The following PCP4 variants were observed in gnomAD, a reference collection of about 807,000 sequenced individuals.
PCP4 encodes the protein calmodulin regulator protein PCP4.
In PCP4, 8 loss-of-function variants were observed where a neutral mutation model predicts 10.0. That is an observed-to-expected ratio of 0.80 (90% CI 0.47 to 1.45). The LOEUF is 1.45. Among genes scored for constraint, PCP4 ranks in the 40% most tolerant of loss-of-function variants. PCP4 has a pLI of 0.00. For synonymous variants in PCP4, 21 were observed against 23.0 expected (o/e 0.91, Z 0.24); for missense variants, 54 against 74.4 (o/e 0.73, Z 1.01).
intron 1 of PCP4, among the ~76,000 whole-genome samples, chr21:39,872,874 G>A (rs1019851931): frequency 6.6e-6 from 1 of 152,142 alleles, no homozygotes; most frequent in African/African-American, 2.4e-5. Flanking sequence ...TTTGAAACCT[G>A]TGTTTGCCAT....
intron 2 of PCP4, among the ~76,000 whole-genome samples, chr21:39,927,246 A>G (rs186015661): frequency 1.1e-3 from 170 of 152,140 alleles, no homozygotes; most frequent in Admixed American, 2.7e-3. Context: ...GTATTTGTCT[A>G]TCATCTACTT....
intron 2 of PCP4, among the ~76,000 whole-genome samples, chr21:39,918,372 G>A (rs74854665): frequency 1.1e-4 from 17 of 152,170 alleles, no homozygotes; most frequent in Admixed American, 1.0e-3. Context: ...ATGGAAGCCC[G>A]AGAAACAGAA....
rs1568852657 is a variant in PCP4 at position 39,887,934 on chromosome 21, G to C, written c.10-10542G>C. Among the ~76,000 whole-genome samples, 3 of 152,174 alleles carry C rather than the reference G, an allele frequency of 2.0e-5. No individual in the cohort carries two copies. The South Asian group carries it at 6.2e-4, about 32-fold the overall frequency. ...CTGTGTGGGGTATTAATTGTGCGAG[G>C]AATATGCAATATCTGAAACTTCATG... On this transcript the variant is annotated intron_variant, in intron 1 of 2. Transcript: ENST00000328619.
chr21:39,897,244 C>T (rs1423561484), intron 1 of PCP4, among the ~76,000 whole-genome samples: 3 of 151,848 alleles, frequency 2.0e-5, no homozygotes, highest in African/African-American at 4.8e-5. Context: ...AAAAATTAGC[C>T]GGGGGTGGTG....
chr21:39,917,479 A>T (rs1212363159), intron 2 of PCP4, among the ~76,000 whole-genome samples: 2 of 152,120 alleles, frequency 1.3e-5, no homozygotes, highest in African/African-American at 4.8e-5. Context: ...GTAGAGGGAG[A>T]AGCTGGAAGG....
chr21:39,897,202 A>G (rs926546804), intron 1 of PCP4, among the ~76,000 whole-genome samples: 6 of 152,190 alleles, frequency 3.9e-5, no homozygotes, highest in African/African-American at 1.2e-4. Flanking sequence ...AGCCTGGCCA[A>G]CATGGTGAAA....
chr21:39,924,153 C>T (rs772858632), intron 2 of PCP4, among the ~76,000 whole-genome samples: 11 of 152,198 alleles, frequency 7.2e-5, no homozygotes, highest in Non-Finnish European at 1.3e-4. Flanking sequence ...CACAGACACC[C>T]TGAGGCTGGA....
At chr21:39,918,577 A>T (rs985940884) in intron 2 of PCP4, among the ~76,000 whole-genome samples, 4 of 152,250 alleles carry the variant, frequency 2.6e-5, no homozygotes, top group African/African-American at 9.6e-5. Context: ...CTAACTTGGT[A>T]AATGGAAAGC....
At chr21:39,898,454 T>C in intron 1 of PCP4, 22 bp from the exon 2 acceptor site, 9 of 1,607,144 alleles carry the variant, frequency 5.6e-6, no homozygotes, top group Non-Finnish European at 7.7e-6. Flanking sequence ...AATTGCTTTT[T>C]TCTTTTATTT....
intron 2 of PCP4, among the ~76,000 whole-genome samples, chr21:39,903,867 C>CAAAAAAAAAAAAAAAA (rs1210365373): frequency 1.1e-4 from 4 of 34,822 alleles, no homozygotes; most frequent in African/African-American, 2.9e-4. Flanking sequence ...GACTCCGTCT[C>CAAAAAAAAAAAAAAAA]AAAAAAAACA....
chr21:39,903,131 TG>T (rs2087488845), intron 2 of PCP4, among the ~76,000 whole-genome samples: 2 of 152,216 alleles, frequency 1.3e-5, no homozygotes, highest in Non-Finnish European at 2.9e-5. Flanking sequence ...AGAAAAATAC[TG>T]GAAGCAGAGT....
At chr21:39,900,298 G>C (rs902709295) in intron 2 of PCP4, among the ~76,000 whole-genome samples, 4 of 152,278 alleles carry the variant, frequency 2.6e-5, no homozygotes, top group South Asian at 2.1e-4. Flanking sequence ...GCCCCCCAAA[G>C]TGGTGGGATT....
chr21:39,914,851 GGC>G lies in PCP4; in HGVS notation c.62-14132_62-14131del, dbSNP rs1319935628. On this transcript the variant is annotated intron_variant, in intron 2 of 2. Coordinates refer to ENST00000328619, the MANE Select transcript of PCP4 (RefSeq NM_006198.3). The stretch of plus-strand genomic sequence containing the variant: ...TGGTATTTGAAATTTTAGAAGCTGG[GGC>G]ACATGTGAGTCCTAGAAGGTGGTGA... Among the ~76,000 whole-genome samples the G allele has an allele frequency of 5.3e-5, 8 of 152,260 alleles. No individual in the cohort carries two copies. In the East Asian group the frequency reaches 1.5e-3, roughly 29 times the overall value.
intron 1 of PCP4, among the ~76,000 whole-genome samples, chr21:39,895,141 T>TTCCA (rs559466500): frequency 0.015 from 2,198 of 150,954 alleles, 54 homozygotes; most frequent in African/African-American, 0.048. Context: ...CCATCCATTC[T>TTCCA]TCCATCCATC....
chr21:39,872,597 T>A (rs2087325687), intron 1 of PCP4, among the ~76,000 whole-genome samples: 1 of 152,364 alleles, frequency 6.6e-6, no homozygotes, highest in Admixed American at 6.5e-5. Context: ...ATCCTGCTGT[T>A]AAAGTATTAT....
intron 1 of PCP4, among the ~76,000 whole-genome samples, chr21:39,888,113 A>G (rs1270402609): frequency 2.0e-4 from 31 of 152,214 alleles, no homozygotes; most frequent in Admixed American, 2.0e-3. Flanking sequence ...ATGCTACAGC[A>G]CAAAAAGAAG....
At chr21:39,920,297 G>GTA (rs1051446346) in intron 2 of PCP4, among the ~76,000 whole-genome samples, 2 of 147,288 alleles carry the variant, frequency 1.4e-5, no homozygotes, top group African/African-American at 5.0e-5. Context: ...GTGTGTGTGT[G>GTA]TGGTGTGTAT....
intron 1 of PCP4, among the ~76,000 whole-genome samples, chr21:39,889,405 C>G (rs1283474622): frequency 1.4e-5 from 2 of 145,134 alleles, no homozygotes; most frequent in African/African-American, 5.1e-5. Flanking sequence ...AATATCAAAC[C>G]AAGTTCTTTT....
chr21:39,897,085 C>G (rs566510341), intron 1 of PCP4, among the ~76,000 whole-genome samples: 15 of 152,084 alleles, frequency 9.9e-5, no homozygotes, highest in Non-Finnish European at 1.6e-4. Flanking sequence ...CCCTCATTTT[C>G]TTCATCTGAA....
Sources: allele counts gnomAD v4.1 joint callset (sites outside exome capture counted in the v4.1 genomes callset), GRCh38; gene constraint gnomAD v4.1.1; transcripts MANE v1.5; gene names NCBI Gene and HGNC (gene_info 2026-07-23, HGNC 2026-07-21).